Variants in ADCY8 observed in about 807,000 individuals in gnomAD.
The protein encoded by ADCY8 is adenylate cyclase 8, also known as adenylate cyclase type 8.
In ADCY8, 51 loss-of-function variants were observed where a neutral mutation model predicts 119.7. The observed-to-expected ratio is 0.43, with a 90% CI of 0.34 to 0.54. The LOEUF (loss-of-function observed/expected upper bound fraction) is 0.54. Ranked by LOEUF, ADCY8 falls within the 20% of genes least tolerant of loss-of-function variation. ADCY8 has a pLI of 0.03. For synonymous variants in ADCY8, 665 were observed against 651.0 expected (o/e 1.02, Z -0.33); for missense variants, 1,383 against 1,598.8 (o/e 0.87, Z 2.30).
chr8:130,843,582 C>T (rs1223842608), intron 11 of ADCY8, among the ~76,000 whole-genome samples: 1 of 152,194 alleles, frequency 6.6e-6, no homozygotes, highest in Non-Finnish European at 1.5e-5. Flanking sequence ...TTGTCCTTTA[C>T]TGACTGATGC....
intron 15 of ADCY8, among the ~76,000 whole-genome samples, chr8:130,790,137 T>G (rs906925346): frequency 4.6e-5 from 7 of 152,024 alleles, no homozygotes; most frequent in African/African-American, 1.7e-4. Flanking sequence ...AAGTGCATGC[T>G]GCTTTGAGGG....
intron 12 of ADCY8, among the ~76,000 whole-genome samples, chr8:130,822,541 TC>T (rs1196009347): frequency 0.02 from 973 of 48,238 alleles, 8 homozygotes; most frequent in African/African-American, 0.048. Flanking sequence ...CATGAATCCA[TC>T]CATCCATCCA....
At chr8:130,899,466 G>T (rs1269692227) in intron 7 of ADCY8, among the ~76,000 whole-genome samples, 1 of 152,066 alleles carries the variant, frequency 6.6e-6, no homozygotes, top group Middle Eastern at 3.2e-3. Context: ...ATTAGCCAAG[G>T]GTGCTGGCAC....
chr8:130,935,244 C>T (rs1040994518), intron 5 of ADCY8, among the ~76,000 whole-genome samples: 2 of 152,088 alleles, frequency 1.3e-5, no homozygotes, highest in Non-Finnish European at 2.9e-5. Flanking sequence ...ACTCTGGATC[C>T]ACTTTGATCA....
intron 4 of ADCY8, among the ~76,000 whole-genome samples, chr8:130,937,763 T>C (rs1820832254): frequency 3.3e-5 from 5 of 152,314 alleles, no homozygotes; most frequent in Admixed American, 2.0e-4. Flanking sequence ...TGTTTGTTCA[T>C]TGAAAAAATT....
intron 3 of ADCY8, among the ~76,000 whole-genome samples, chr8:130,943,688 CT>C (rs1243679637): frequency 1.3e-5 from 2 of 152,214 alleles, no homozygotes; most frequent in South Asian, 2.1e-4. Flanking sequence ...ACAGGAAGCC[CT>C]TTTTTCCTGT....
At chr8:130,945,652 T>C (rs556453107) in intron 3 of ADCY8, among the ~76,000 whole-genome samples, 15 of 152,366 alleles carry the variant, frequency 9.8e-5, no homozygotes, top group African/African-American at 3.6e-4. Context: ...AATTATACTA[T>C]AATTGCATGT....
intron 15 of ADCY8, among the ~76,000 whole-genome samples, chr8:130,792,515 C>A (rs908525858): frequency 6.6e-6 from 1 of 152,150 alleles, no homozygotes; most frequent in Non-Finnish European, 1.5e-5. Flanking sequence ...TCAAAGCTGG[C>A]CCCTTGTTCC....
At position 130,838,559 on chromosome 8, in the gene ADCY8, G is replaced by C. The variant is rs1477138705; in HGVS notation, c.2503-2110C>G. ...GCCAAAGAAAGAGGACTAGATCTGA[G>C]GGGTCCTGTTTCATTGTTGCCTGTA... is the stretch of plus-strand genomic sequence containing the variant. On this transcript the variant is annotated intron_variant, in intron 11 of 17. Coordinates refer to ENST00000286355, the MANE Select transcript of ADCY8 (RefSeq NM_001115.3). Among the ~76,000 whole-genome samples, 5 of 96,540 alleles carry C rather than the reference G, an allele frequency of 5.2e-5. 2 individuals are homozygous for C. The highest frequency in any genetic ancestry group is 1.4e-4 in the Non-Finnish European group (5 of 36,026). 63.3% of individuals were successfully genotyped at this position (96,540 alleles called of 152,430 possible).
intron 11 of ADCY8, among the ~76,000 whole-genome samples, chr8:130,847,219 G>A (rs1180374545): frequency 6.6e-6 from 1 of 151,984 alleles, no homozygotes; most frequent in Non-Finnish European, 1.5e-5. Flanking sequence ...GAGGGGACAG[G>A]AAAGAGGACT....
chr8:130,857,478 C>T (rs893068302), intron 9 of ADCY8, among the ~76,000 whole-genome samples: 5 of 152,076 alleles, frequency 3.3e-5, no homozygotes, highest in African/African-American at 7.2e-5. Context: ...ACGTATTTAT[C>T]GAAAAACACA....
chr8:130,914,308 G>T (rs2130563130), intron 5 of ADCY8, among the ~76,000 whole-genome samples: 1 of 152,292 alleles, frequency 6.6e-6, no homozygotes, highest in East Asian at 1.9e-4. Flanking sequence ...TGCTTTGCCA[G>T]CTAATGGTGA....
In ADCY8 at chr8:130,791,722, A is replaced by T. The variant is rs1270361653; in HGVS notation, c.3061-6247T>A. On this transcript the variant is annotated intron_variant, in intron 15 of 17. Transcript: ENST00000286355. Reference sequence around the variant, plus strand: ...CACTTACCTGCACCTGTGTGCACACATGTGCCTCTCTCCAGGTGTGGGGAG... The same window carrying T: ...CACTTACCTGCACCTGTGTGCACACTTGTGCCTCTCTCCAGGTGTGGGGAG... Among the ~76,000 whole-genome samples the T allele has an allele frequency of 2.0e-5, 3 of 151,954 alleles. No individual in the cohort carries two copies. The East Asian group carries it at 6.0e-4, about 30-fold the overall frequency.
intron 12 of ADCY8, among the ~76,000 whole-genome samples, chr8:130,831,042 T>C (rs552471565): frequency 6.6e-6 from 1 of 152,290 alleles, no homozygotes; most frequent in Non-Finnish European, 1.5e-5. Flanking sequence ...GCCAGAAGGC[T>C]TGGGCAAATA....
At chr8:131,017,272 G>C (rs118165080) in intron 1 of ADCY8, among the ~76,000 whole-genome samples, 41 of 152,132 alleles carry the variant, frequency 2.7e-4, no homozygotes, top group Non-Finnish European at 5.9e-4. Flanking sequence ...CTTTCGCCAT[G>C]TTGGCCATGC....
At chr8:131,029,385 A>C (rs1438587154) in intron 1 of ADCY8, among the ~76,000 whole-genome samples, 2 of 152,206 alleles carry the variant, frequency 1.3e-5, no homozygotes, top group Non-Finnish European at 2.9e-5. Flanking sequence ...GTCTGTGGAA[A>C]AATTATCTTC....
intron 16 of ADCY8, 25 bp from the exon 17 acceptor site, chr8:130,783,830 A>G: frequency 6.4e-7 from 1 of 1,570,474 alleles, no homozygotes; most frequent in Non-Finnish European, 8.7e-7. Flanking sequence ...AGGAGAAGAA[A>G]TCATTTAATG....
chr8:131,015,276 T>C (rs191223444), intron 1 of ADCY8, among the ~76,000 whole-genome samples: 65 of 152,282 alleles, frequency 4.3e-4, no homozygotes, highest in African/African-American at 1.5e-3. Flanking sequence ...AAAAGTGCTA[T>C]GGAGAAAAAT....
At chr8:130,886,964 T>A (rs898876605) in intron 7 of ADCY8, among the ~76,000 whole-genome samples, 1 of 143,676 alleles carries the variant, frequency 7.0e-6, no homozygotes, top group African/African-American at 2.5e-5. Context: ...ATGACCATTA[T>A]GTAATAGAAG....
Sources: gnomAD v4.1 joint callset for allele counts (sites outside exome capture counted in the v4.1 genomes callset) on GRCh38, gnomAD v4.1.1 for gene constraint, MANE v1.5 for transcripts, NCBI Gene and HGNC (gene_info 2026-07-23, HGNC 2026-07-21) for gene names.